MUC6: variants seen among roughly 807,000 people sequenced by gnomAD.
The protein encoded by MUC6 is mucin-6.
A neutral mutation model predicts 201.5 loss-of-function variants in MUC6; 188 were observed. The observed-to-expected ratio is 0.93, with a 90% CI of 0.83 to 1.05. The LOEUF (loss-of-function observed/expected upper bound fraction) is 1.05, where lower values mean the gene tolerates loss of function less well. Among genes scored for constraint, MUC6 ranks in the 50% least tolerant of loss-of-function variants. The pLI, the probability that MUC6 is intolerant of heterozygous loss-of-function variation, is 0.00. For synonymous variants in MUC6, 1,228 were observed against 1,389.4 expected, an observed-to-expected ratio of 0.88 and a Z score of 2.58; for missense variants, 2,706 against 3,256.9, an observed-to-expected ratio of 0.83 and a Z score of 4.12.
chr11:1,036,070 C>T (rs564689163), intron 1 of MUC6, among the ~76,000 whole-genome samples: 21 of 152,200 alleles, frequency 1.4e-4, no homozygotes, highest in African/African-American at 4.1e-4. Flanking sequence ...CTGCCTGCGG[C>T]GGTTCTGAGC....
At position 1,015,312 on chromosome 11, in the gene MUC6, C is replaced by T. The variant is rs538514951; in HGVS notation, c.7039+450G>A. Reference sequence around the variant, plus strand: ...TCCACCTTCAACAGGTCCTTTGGGGCGAGGCAGGGGATGTGCCAGACTTTT... The same window carrying T: ...TCCACCTTCAACAGGTCCTTTGGGGTGAGGCAGGGGATGTGCCAGACTTTT... On this transcript the variant is annotated intron_variant, in intron 31 of 32. Transcript: ENST00000421673. 2.2e-4 allele frequency among the ~76,000 whole-genome samples: 34 copies of T among 152,278 alleles called. 1 individual carries two copies. The highest frequency in any genetic ancestry group is 3.4e-3 in the Middle Eastern group (1 of 294).
chr11:1,028,773 C>T lies in MUC6; in HGVS notation c.1464G>A (p.Thr488=), dbSNP rs768893941. The T allele has an allele frequency of 1.2e-5, 19 of 1,611,022 alleles. No individual in the cohort carries two copies. The highest frequency in any genetic ancestry group is 7.7e-5 in the South Asian group (7 of 91,062). The change falls in exon 13 of 33, where the codon ACG becomes ACA. Residue 488 remains threonine (T), a synonymous_variant. Coordinates refer to ENST00000421673, the MANE Select transcript of MUC6 (RefSeq NM_005961.3). ...GGTGGGTGGACGTCTGCCTGAAGAC[C>T]GTGATGTTGCCTGCAGGACGCAGTG... The part of the protein sequence containing the change: ...KWLPYKTRNI[T]VFRQTSTHLQ...
intron 24 of MUC6, among the ~76,000 whole-genome samples, 194 bp downstream of exon 24, chr11:1,024,650 C>CA (rs1856907696): frequency 1.3e-5 from 2 of 152,194 alleles, no homozygotes; most frequent in Admixed American, 1.3e-4. Flanking sequence ...GGCTGCTTAA[C>CA]AGCCACAGTG....
chr11:1,024,289 A>T (rs893394359), intron 24 of MUC6, among the ~76,000 whole-genome samples, 186 bp from the exon 25 acceptor site: 5 of 152,142 alleles, frequency 3.3e-5, no homozygotes, highest in African/African-American at 1.2e-4. Flanking sequence ...CGATGCTGCC[A>T]CGGAGGCCTG....
In MUC6 at chr11:1,017,943, A is replaced by C; in HGVS notation, c.4858T>G (p.Ser1620Ala). The C allele has an allele frequency of 6.2e-7, 1 of 1,614,006 alleles. No homozygotes were observed. The highest frequency in any genetic ancestry group is 8.5e-7 in the Non-Finnish European group (1 of 1,179,914). The stretch of plus-strand genomic sequence containing the variant: ...GTACTTGGAGTCACCAAAGAGGTGG[A>C]GAAAGGTGGAACGTGAGTGGGAAGT... ...TTLPTHVPPFSTSLVTPSTHT... is the reference protein window; with the variant it reads ...TTLPTHVPPFATSLVTPSTHT... Residue 1620 changes from serine (S) to alanine (A), a missense_variant, in exon 31 of 33, where the codon TCC (serine) becomes GCC (alanine). Transcript: ENST00000421673.
In MUC6 at chr11:1,028,760, T is replaced by TG; in HGVS notation, c.1476_1477insC (p.Thr493HisfsTer51). 6.2e-7 allele frequency: 1 copy of TG among 1,611,848 alleles called. No homozygotes were observed. The highest frequency in any genetic ancestry group is 1.3e-5 in the African/African-American group (1 of 75,040). The stretch of plus-strand genomic sequence containing the variant: ...GTGGCCATCTGGAGGTGGGTGGACG[T>TG]CTGCCTGAAGACCGTGATGTTGCCT... On this transcript the variant is annotated frameshift_variant, in exon 13 of 33. Transcript: ENST00000421673. LOFTEE classifies it high-confidence loss of function.
At chr11:1,013,693 C>T in intron 32 of MUC6, 60 bp from the exon 33 acceptor site, 2 of 1,499,786 alleles carry the variant, frequency 1.3e-6, no homozygotes, top group Non-Finnish European at 1.8e-6. Flanking sequence ...AGGCCCCTCC[C>T]TCCCCAGGGC....
At chr11:1,030,356 G>C (rs966955395) in intron 7 of MUC6, 21 bp from the exon 8 acceptor site, 4 of 1,544,168 alleles carry the variant, frequency 2.6e-6, no homozygotes, top group Non-Finnish European at 3.5e-6. Context: ...ACGCGGCTCC[G>C]GTGAGAGGGT....
In MUC6 at chr11:1,029,014, G is replaced by A. The variant is rs376249390; in HGVS notation, c.1380+32C>T. The A allele has an allele frequency of 5.6e-5, 91 of 1,612,756 alleles. 2 individuals carry two copies. In the South Asian group the frequency reaches 9.0e-4, roughly 16 times the overall value. ...TGCAGGCACCAGGGAGCGGAGCCCT[G>A]CTGGCAGGGATGGGCGCAGGAAAGG... On this transcript the variant is annotated intron_variant, in intron 11 of 32. Coordinates refer to ENST00000421673, the MANE Select transcript of MUC6 (RefSeq NM_005961.3).
rs1453278677 is a variant in MUC6, at chr11:1,013,908, G to A, written c.7133C>T (p.Ser2378Phe). 1 of 1,604,942 alleles carries A rather than the reference G, an allele frequency of 6.2e-7. No homozygotes were observed. The highest frequency in any genetic ancestry group is 1.3e-5 in the African/African-American group (1 of 74,794). ...TVTRCEGACI[S>F]AASFNIITQQ... Reference sequence around the variant, plus strand: ...CCACCTGTGGACTCACCTGGCAGCGGAAATGCAGGCGCCCTCACAGCGGGT... The same window carrying A: ...CCACCTGTGGACTCACCTGGCAGCGAAAATGCAGGCGCCCTCACAGCGGGT... The change falls in exon 32 of 33, where the codon TCC (serine) becomes TTC (phenylalanine). Residue 2378 changes from serine to phenylalanine, a missense_variant. Ser to Phe is a radical substitution (Grantham distance 155). This residue lies in a region of MUC6 where 586 missense variants were observed against 488.0 expected (regional missense o/e 1.20). Transcript: ENST00000421673.
Position 1,026,312 on chromosome 11 carries a change from G to A in MUC6, c.2546+15C>T, listed in dbSNP as rs200449256. 51 of 1,562,846 alleles carry A rather than the reference G, an allele frequency of 3.3e-5. No homozygotes were observed. In the African/African-American group the frequency reaches 4.7e-4, roughly 14 times the overall value. ...CCCAGGAGCCCAGGGCGTCTGAAGCGAGGCTTTGTCTCACCAGGTCCTGCA... is the reference window on the plus strand; with the variant it reads ...CCCAGGAGCCCAGGGCGTCTGAAGCAAGGCTTTGTCTCACCAGGTCCTGCA... On this transcript the variant is annotated intron_variant, in intron 20 of 32. Transcript: ENST00000421673.
In MUC6 at chr11:1,027,127, G is replaced by A. The variant is rs749920334; in HGVS notation, c.2284+14C>T. The A allele has an allele frequency of 2.5e-5, 41 of 1,612,164 alleles. No individual in the cohort carries two copies. The East Asian group carries it at 6.5e-4, about 25-fold the overall frequency. The stretch of plus-strand genomic sequence containing the variant: ...CTCACAGTCCCAGCCTGCGGCCAGC[G>A]CTGCTGTACGTACCCAGGAACATCT... On this transcript the variant is annotated intron_variant, in intron 18 of 32. Coordinates refer to ENST00000421673, the MANE Select transcript of MUC6 (RefSeq NM_005961.3).
rs748300097 is a variant in MUC6, at chr11:1,028,902, C to T, written c.1440G>A (p.Leu480=). 2.5e-6 allele frequency: 4 copies of T among 1,612,704 alleles called. No homozygotes were observed. The South Asian group carries it at 3.3e-5, about 13-fold the overall frequency. ...VVTNNGEAKW[L]PYKTRNITVF... ...GCCAGGACGTACGAGTCTTGTATGG[C>T]AGCCACTTGGCTTCTCCGTTGTTGG... The change falls in exon 12 of 33, where the codon CTG becomes CTA. Residue 480 remains leucine (L), a synonymous_variant. Coordinates refer to ENST00000421673, the MANE Select transcript of MUC6 (RefSeq NM_005961.3).
chr11:1,013,150 G>A lies in MUC6; in HGVS notation c.*306C>T. On this transcript the variant is annotated 3_prime_UTR_variant, in exon 33 of 33. Coordinates refer to ENST00000421673, the MANE Select transcript of MUC6 (RefSeq NM_005961.3). ...AGCAGGGCTGGGGCCAAGTTCAGGGGCTGGGAGGTGTTGGACGGTGGGCAG... is the reference window on the plus strand; with the variant it reads ...AGCAGGGCTGGGGCCAAGTTCAGGGACTGGGAGGTGTTGGACGGTGGGCAG... 1 of 435,124 alleles carries A rather than the reference G, an allele frequency of 2.3e-6. No homozygotes were observed. Among genetic ancestry groups the A allele is most frequent in the Non-Finnish European group, 4.1e-6 (1 of 244,408 alleles). The allele number at this position is 435,124 out of a possible 1,614,324, so 27.0% of individuals were successfully genotyped here. A position where few individuals can be genotyped will look rare whatever the true frequency, so the allele number is the denominator to read the frequency against.
chr11:1,016,168 A>T lies in MUC6; in HGVS notation c.6633T>A (p.Thr2211=). The T allele has an allele frequency of 6.2e-7, 1 of 1,613,460 alleles. No homozygotes were observed. Among genetic ancestry groups the T allele is most frequent in the South Asian group, 1.1e-5 (1 of 91,034 alleles). ...SPAASTTIRA[T]LPHTISSPFT... ...AAGGAGAGGAGATAGTGTGGGGGAG[A>T]GTGGCCCTAATGGTAGTAGAGGCAG... Residue 2211 remains threonine, a synonymous_variant, in exon 31 of 33, where the codon ACT becomes ACA. Coordinates refer to ENST00000421673, the MANE Select transcript of MUC6 (RefSeq NM_005961.3).
chr11:1,032,938 G>T, intron 2 of MUC6, 75 bp downstream of exon 2: 1 of 1,374,080 alleles, frequency 7.3e-7, no homozygotes, highest in Non-Finnish European at 9.9e-7. Flanking sequence ...GGTGACCTGG[G>T]CTCCGGGCCC....
In MUC6 at chr11:1,027,821, C is replaced by T. The variant is rs200684812; in HGVS notation, c.1849-4G>A. 45 of 1,608,662 alleles carry T rather than the reference C, an allele frequency of 2.8e-5. No homozygotes were observed. The highest frequency in any genetic ancestry group is 1.0e-4 in the Admixed American group (6 of 59,770). On this transcript the variant is annotated splice_region_variant and splice_polypyrimidine_tract_variant and intron_variant, in intron 15 of 32. Transcript: ENST00000421673. Reference sequence around the variant, plus strand: ...TGCAGGCCTGGTACACGCACCTCTGCGGGCAGAGAGCCAGCATGGGCTGGT... The same window carrying T: ...TGCAGGCCTGGTACACGCACCTCTGTGGGCAGAGAGCCAGCATGGGCTGGT...
chr11:1,016,301 G>C lies in MUC6; in HGVS notation c.6500C>G (p.Ser2167Cys). 1 of 1,611,952 alleles carries C rather than the reference G, an allele frequency of 6.2e-7. No individual in the cohort carries two copies. The highest frequency in any genetic ancestry group is 1.1e-5 in the South Asian group (1 of 90,752). The change falls in exon 31 of 33, where the codon TCC becomes TGC. Residue 2167 changes from serine (S) to cysteine (C), a missense_variant. Ser to Cys is a moderately radical substitution (Grantham distance 112). Coordinates refer to ENST00000421673, the MANE Select transcript of MUC6 (RefSeq NM_005961.3). The part of the protein sequence containing the change: ...PSVGTSSSFV[S>C]APVHSTTLSS... ...CAGGGTTGTGGAGTGCACGGGGGCG[G>C]ACACGAAAGAGGAAGATGTGCCAAC...
At chr11:1,020,456 G>GC (rs369153970) in intron 28 of MUC6, among the ~76,000 whole-genome samples, 199 bp from the exon 29 acceptor site, 2 of 152,266 alleles carry the variant, frequency 1.3e-5, no homozygotes, top group African/African-American at 4.8e-5. Context: ...ACCTGTTGAG[G>GC]CCCCACTCTG....
Sources: gnomAD v4.1 joint callset for allele counts (sites outside exome capture counted in the v4.1 genomes callset) on GRCh38, gnomAD v4.1.1 for gene constraint, gnomAD v4.1.1 regional missense constraint, MANE v1.5 for transcripts, NCBI Gene and HGNC (gene_info 2026-07-23, HGNC 2026-07-21) for gene names.